ACOT7: variants seen among roughly 807,000 people sequenced by gnomAD.
ACOT7 encodes acyl-CoA thioesterase 7.
In ACOT7, 12 loss-of-function variants were observed where a neutral mutation model predicts 40.2. The observed-to-expected ratio is 0.30, with a 90% CI of 0.19 to 0.48. ACOT7 has a LOEUF of 0.48. Among genes scored for constraint, ACOT7 ranks in the 20% least tolerant of loss-of-function variants. ACOT7 has a pLI of 0.99. For missense variants in ACOT7, 395 were observed against 530.8 expected, an observed-to-expected ratio of 0.74 and a Z score of 2.51; for synonymous variants, 228 against 219.5, an observed-to-expected ratio of 1.04 and a Z score of -0.34.
intron 1 of ACOT7, among the ~76,000 whole-genome samples, chr1:6,365,767 C>A (rs1641996688): frequency 7.0e-6 from 1 of 143,004 alleles, no homozygotes. Context: ...GACCCCATCT[C>A]AAAAAAAAAA....
chr1:6,333,640 C>T, intron 3 of ACOT7, 72 bp from the exon 4 acceptor site: 2 of 1,483,576 alleles, frequency 1.3e-6, no homozygotes, highest in Non-Finnish European at 1.9e-6. Flanking sequence ...AGGCACGTGG[C>T]AGGTGCTGCT....
rs1639973006 is a variant in ACOT7 at position 6,301,517 on chromosome 1, T to C, written c.713-6537A>G. Among the ~76,000 whole-genome samples the C allele has an allele frequency of 2.0e-5, 3 of 152,212 alleles. No individual in the cohort carries two copies. ...GGCACCCCCAGACCACACTGCATGATGTGACATGGACGCCTGCACTGGGTG... is the reference window on the plus strand; with the variant it reads ...GGCACCCCCAGACCACACTGCATGACGTGACATGGACGCCTGCACTGGGTG... On this transcript the variant is annotated intron_variant, in intron 6 of 8. Coordinates refer to ENST00000361521, the MANE Select transcript of ACOT7 (RefSeq NM_007274.4). This position sits in a 1 kb window ranked among gnomAD's most constrained non-coding sequence, Gnocchi z 4.1.
intron 1 of ACOT7, among the ~76,000 whole-genome samples, chr1:6,389,401 C>T (rs535148215): frequency 2.8e-4 from 42 of 152,268 alleles, no homozygotes; most frequent in African/African-American, 9.6e-4. Context: ...CCAGAGCTGG[C>T]TACAGTCCCC....
intron 5 of ACOT7, among the ~76,000 whole-genome samples, chr1:6,320,465 G>A (rs1239736250): frequency 6.6e-6 from 1 of 152,204 alleles, no homozygotes; most frequent in East Asian, 1.9e-4. Context: ...TAGTGGGGTA[G>A]ATTTCCTCCA....
intron 6 of ACOT7, among the ~76,000 whole-genome samples, chr1:6,307,598 G>C (rs1362438040): frequency 6.6e-6 from 1 of 152,264 alleles, no homozygotes; most frequent in Non-Finnish European, 1.5e-5. Flanking sequence ...CAGGTAGAGA[G>C]AAAGAACCAA....
chr1:6,269,589 C>T (rs1374474573), intron 8 of ACOT7, among the ~76,000 whole-genome samples: 1 of 152,388 alleles, frequency 6.6e-6, no homozygotes, highest in African/African-American at 2.4e-5. Context: ...TCAGGGTCGG[C>T]TCCAGGCTGA....
At position 6,381,978 on chromosome 1, in the gene ACOT7, C is replaced by CA. The variant is rs1317263242; in HGVS notation, c.143+11278dup. Among the ~76,000 whole-genome samples the CA allele has an allele frequency of 2.5e-3, 371 of 147,018 alleles. 2 individuals are homozygous for CA. The highest frequency in any genetic ancestry group is 7.4e-3 in the African/African-American group (298 of 40,158). ...TGAAACCCCATCTCTACTAAAAATA[C>CA]AAAAAAAAAATTAGCTGGGCGTGAT... On this transcript the variant is annotated intron_variant, in intron 1 of 8. Coordinates refer to ENST00000361521, the MANE Select transcript of ACOT7 (RefSeq NM_007274.4).
chr1:6,331,439 G>A (rs1206327723), intron 4 of ACOT7, among the ~76,000 whole-genome samples: 1 of 152,232 alleles, frequency 6.6e-6, no homozygotes, highest in Non-Finnish European at 1.5e-5. Context: ...GACGCCAGGA[G>A]GGATCCTCGC....
intron 1 of ACOT7, among the ~76,000 whole-genome samples, chr1:6,387,764 A>C (rs936423711): frequency 6.6e-6 from 1 of 152,186 alleles, no homozygotes; most frequent in African/African-American, 2.4e-5. Flanking sequence ...GTGAGGTTGG[A>C]CAGTGGGTAG....
chr1:6,273,731 G>C (rs1639107093), intron 8 of ACOT7, among the ~76,000 whole-genome samples: 1 of 152,280 alleles, frequency 6.6e-6, no homozygotes. Flanking sequence ...GCCAGTGTAA[G>C]AGCCCGCACA....
chr1:6,273,266 C>A (rs535593502), intron 8 of ACOT7, among the ~76,000 whole-genome samples: 1 of 152,190 alleles, frequency 6.6e-6, no homozygotes, highest in African/African-American at 2.4e-5. Flanking sequence ...AAGGCGAGAG[C>A]CAGGCTGGAG....
At chr1:6,346,259 A>G (rs6577573) in intron 2 of ACOT7, among the ~76,000 whole-genome samples, 54,356 of 152,106 alleles carry the variant, frequency 0.36, 14,753 homozygotes, top group African/African-American at 0.77. Context: ...AGGCCACCAC[A>G]CCTGGCTAAT....
chr1:6,389,348 G>A (rs1325290181), intron 1 of ACOT7, among the ~76,000 whole-genome samples: 1 of 152,110 alleles, frequency 6.6e-6, no homozygotes. Flanking sequence ...CTGCCTGCTG[G>A]GTGGTGTCCA....
Position 6,272,312 on chromosome 1 carries a change from T to G in ACOT7, c.1015-7617A>C, listed in dbSNP as rs552807673. On this transcript the variant is annotated intron_variant, in intron 8 of 8. Transcript: ENST00000361521. ...AAGGCTTAATTCTAAATAGGGATGG[T>G]CTTTATGTTAACAATTCAAAACCAG... Among the ~76,000 whole-genome samples, 17 of 152,306 alleles carry G rather than the reference T, an allele frequency of 1.1e-4. No individual in the cohort carries two copies. In the South Asian group the frequency reaches 3.5e-3, roughly 32 times the overall value.
chr1:6,319,700 C>T (rs1640590765), intron 5 of ACOT7, among the ~76,000 whole-genome samples: 2 of 152,226 alleles, frequency 1.3e-5, no homozygotes, highest in African/African-American at 4.8e-5. Flanking sequence ...CTGCCTCATC[C>T]CTGGCGCTTG....
chr1:6,384,542 A>G (rs1470498835), intron 1 of ACOT7, among the ~76,000 whole-genome samples: 2 of 151,890 alleles, frequency 1.3e-5, no homozygotes, highest in Non-Finnish European at 2.9e-5. Flanking sequence ...AATAACAAAC[A>G]TGGGTGTCTC....
rs1304807049 is a variant in ACOT7 at position 6,338,571 on chromosome 1, C to T, written c.418+862G>A. On this transcript the variant is annotated intron_variant, in intron 3 of 8. Transcript: ENST00000361521. This position sits in a 1 kb window ranked among gnomAD's most constrained non-coding sequence, Gnocchi z 4.4. ...GACACAGCCATTCTAATCAACCCTG[C>T]TGAGGTCCTCAGAATGTTCTAGATG... is the stretch of plus-strand genomic sequence containing the variant. 6.6e-6 allele frequency among the ~76,000 whole-genome samples: 1 copy of T among 152,244 alleles called. No individual in the cohort carries two copies. Among genetic ancestry groups the T allele is most frequent in the Admixed American group, 6.5e-5 (1 of 15,294 alleles).
intron 1 of ACOT7, among the ~76,000 whole-genome samples, chr1:6,366,348 C>T (rs1021587820): frequency 6.6e-6 from 1 of 151,980 alleles, no homozygotes; most frequent in Non-Finnish European, 1.5e-5. Context: ...TTTGGGACCC[C>T]GAGGTGGGAG....
chr1:6,308,385 G>C (rs1640226909), intron 6 of ACOT7, among the ~76,000 whole-genome samples: 1 of 149,882 alleles, frequency 6.7e-6, no homozygotes, highest in Non-Finnish European at 1.5e-5. Flanking sequence ...AGCGACCAGA[G>C]AGAACTACAA....
Sources: allele counts gnomAD v4.1 joint callset (sites outside exome capture counted in the v4.1 genomes callset), GRCh38; gene constraint gnomAD v4.1.1; non-coding constraint Gnocchi (gnomAD v3.1); transcripts MANE v1.5; gene names NCBI Gene and HGNC (gene_info 2026-07-23, HGNC 2026-07-21).